APIP: variants seen among roughly 807,000 people sequenced by gnomAD.
APIP encodes the protein methylthioribulose-1-phosphate dehydratase.
Under a neutral mutation model 32.0 loss-of-function variants are expected in APIP, and 32 were observed. The observed-to-expected ratio is 1.00, with a 90% CI of 0.76 to 1.34. The LOEUF is 1.34. Ranked by LOEUF, APIP falls within the 40% of genes most tolerant of loss-of-function variation. The pLI is 0.00. For synonymous variants in APIP, 92 were observed against 94.8 expected, an observed-to-expected ratio of 0.97 and a Z score of 0.17; for missense variants, 247 against 298.6, an observed-to-expected ratio of 0.83 and a Z score of 1.27.
At chr11:34,889,847 G>C (rs1231835933) in intron 3 of APIP, among the ~76,000 whole-genome samples, 1 of 152,026 alleles carries the variant, frequency 6.6e-6, no homozygotes, top group Non-Finnish European at 1.5e-5. Flanking sequence ...ACTAATCCAT[G>C]GTATATATGT....
intron 1 of APIP, among the ~76,000 whole-genome samples, chr11:34,905,866 T>C (rs1376285372): frequency 2.0e-5 from 3 of 152,278 alleles, no homozygotes; most frequent in Non-Finnish European, 2.9e-5. Context: ...AGTAGCGGCT[T>C]ACAGATCTGT....
intron 1 of APIP, among the ~76,000 whole-genome samples, chr11:34,901,747 C>T (rs1490858143): frequency 2.0e-5 from 3 of 152,164 alleles, no homozygotes; most frequent in African/African-American, 7.2e-5. Context: ...AGGACAAACT[C>T]TTTGTCTCCC....
intron 1 of APIP, chr11:34,896,675 A>G: frequency 1.1e-6 from 1 of 893,520 alleles, no homozygotes; most frequent in Admixed American, 2.5e-5. Flanking sequence ...TACCTAAGTA[A>G]CAAACCTGTA....
chr11:34,913,928 T>C (rs1853601513), intron 1 of APIP, among the ~76,000 whole-genome samples: 1 of 152,172 alleles, frequency 6.6e-6, no homozygotes, highest in South Asian at 2.1e-4. Flanking sequence ...TTTAGCTTCA[T>C]CTCAAGTCTC....
intron 5 of APIP, among the ~76,000 whole-genome samples, chr11:34,886,890 T>C (rs922095944): frequency 7.2e-5 from 11 of 152,172 alleles, no homozygotes; most frequent in Non-Finnish European, 2.9e-5. Context: ...CACACAATGA[T>C]GAAATCACCT....
chr11:34,898,043 T>G (rs1486681784), intron 1 of APIP, among the ~76,000 whole-genome samples: 1 of 152,094 alleles, frequency 6.6e-6, no homozygotes, highest in Non-Finnish European at 1.5e-5. Context: ...ACTCCACGTG[T>G]GTCCATGTTA....
At chr11:34,911,961 G>C (rs777817189) in intron 1 of APIP, among the ~76,000 whole-genome samples, 1 of 152,088 alleles carries the variant, frequency 6.6e-6, no homozygotes, top group Non-Finnish European at 1.5e-5. Flanking sequence ...CTGAAAAATA[G>C]GAACAACTTA....
chr11:34,888,151 T>G, intron 5 of APIP, 142 bp downstream of exon 5: 2 of 842,310 alleles, frequency 2.4e-6, no homozygotes, highest in East Asian at 3.2e-5. Context: ...AGAATAGGTC[T>G]AGAAGTGTAA....
At chr11:34,884,498 A>G (rs2985398) in intron 5 of APIP, among the ~76,000 whole-genome samples, 91,349 of 152,064 alleles carry the variant, frequency 0.6, 28,483 homozygotes, top group East Asian at 0.74. Context: ...GCCAAGGCAG[A>G]TGGACTGTTT....
At position 34,916,258 on chromosome 11, in the gene APIP, T is replaced by C; in HGVS notation, c.27A>G (p.Gly9=). 2 of 1,612,530 alleles carry C rather than the reference T, an allele frequency of 1.2e-6. No homozygotes were observed. Among genetic ancestry groups the C allele is most frequent in the South Asian group, 2.2e-5 (2 of 90,950 alleles). The part of the protein sequence containing the change: MSGCDARE[G]DCCSRRCGAQ... The stretch of plus-strand genomic sequence containing the variant: ...CGCCGCATCTCCGGGAACAACAGTC[T>C]CCCTCCCGAGCATCACAGCCAGACA... The change falls in exon 1 of 7, where the codon GGA becomes GGG. Residue 9 remains glycine (G), a synonymous_variant. Transcript: ENST00000395787.
Position 34,883,361 on chromosome 11 carries a change from T to TC in APIP, c.604dup (p.Glu202GlyfsTer11), listed in dbSNP as rs1200744061. Reference sequence around the variant, plus strand: ...CATGGTTTTGGCCTTCTCCCATGTTTCCCCCCACACATATACTCCATGACG... The same window carrying TC: ...CATGGTTTTGGCCTTCTCCCATGTTTCCCCCCCACACATATACTCCATGACG... On this transcript the variant is annotated frameshift_variant, in exon 6 of 7. Transcript: ENST00000395787. LOFTEE classifies it high-confidence loss of function. 3 of 1,610,912 alleles carry TC rather than the reference T, an allele frequency of 1.9e-6. No homozygotes were observed. The highest frequency in any genetic ancestry group is 3.4e-5 in the Admixed American group (2 of 59,632).
chr11:34,916,180 T>A (rs1320854078), intron 1 of APIP, 48 bp downstream of exon 1: 2 of 1,587,508 alleles, frequency 1.3e-6, no homozygotes, highest in Admixed American at 1.7e-5. Context: ...GGGTCCCGCC[T>A]GGGCCTCTCC....
Position 34,890,502 on chromosome 11 carries a change from ACCTGAAT to A in APIP, c.202_207+1del. The A allele has an allele frequency of 6.2e-7, 1 of 1,608,774 alleles. No individual in the cohort carries two copies. Among genetic ancestry groups the A allele is most frequent in the Non-Finnish European group, 8.5e-7 (1 of 1,177,584 alleles). ...TGAGGTTAAAGAATCCCATTACCAT[ACCTGAAT>A]TCGTTCCTTTTGCACTCCTGAAGGA... On this transcript the variant is annotated splice_donor_variant and coding_sequence_variant, in exon 3 of 7. Transcript: ENST00000395787. LOFTEE classifies it high-confidence loss of function.
chr11:34,899,838 G>A (rs1853346238), intron 1 of APIP, among the ~76,000 whole-genome samples: 1 of 152,204 alleles, frequency 6.6e-6, no homozygotes, highest in South Asian at 2.1e-4. Context: ...CGCCCCCACT[G>A]TTTTCTTCTC....
At chr11:34,885,234 C>T (rs2133902745) in intron 5 of APIP, among the ~76,000 whole-genome samples, 1 of 147,094 alleles carries the variant, frequency 6.8e-6, no homozygotes. Context: ...TATAGTTATA[C>T]ATGTATATAT....
intron 1 of APIP, among the ~76,000 whole-genome samples, chr11:34,911,131 A>G (rs1032311785): frequency 1.4e-4 from 22 of 152,132 alleles, no homozygotes; most frequent in Admixed American, 7.9e-4. Flanking sequence ...TATACCCAAA[A>G]AAGTGTATGG....
chr11:34,893,638 T>C (rs1259303623), intron 2 of APIP, among the ~76,000 whole-genome samples: 2 of 152,200 alleles, frequency 1.3e-5, no homozygotes, highest in East Asian at 3.8e-4. Flanking sequence ...TGATCTACCA[T>C]ATGGAACATA....
At chr11:34,908,956 C>T (rs1053582697) in intron 1 of APIP, among the ~76,000 whole-genome samples, 6 of 142,742 alleles carry the variant, frequency 4.2e-5, no homozygotes, top group Admixed American at 1.3e-4. Flanking sequence ...GAGTTTGAAA[C>T]GTAAGATATG....
intron 1 of APIP, among the ~76,000 whole-genome samples, chr11:34,914,376 T>C (rs1853616475): frequency 6.6e-6 from 1 of 152,190 alleles, no homozygotes; most frequent in Admixed American, 6.5e-5. Flanking sequence ...CAGTTGAACA[T>C]TCCCCTTCCT....
Sources: allele counts gnomAD v4.1 joint callset (sites outside exome capture counted in the v4.1 genomes callset), GRCh38; gene constraint gnomAD v4.1.1; transcripts MANE v1.5; gene names NCBI Gene and HGNC (gene_info 2026-07-23, HGNC 2026-07-21).